Variants in SAMD5 observed in about 807,000 individuals in gnomAD.
SAMD5 encodes sterile alpha motif domain containing 5, also known as sterile alpha motif domain-containing protein 5.
In SAMD5, 13 loss-of-function variants were observed where a neutral mutation model predicts 11.3. That is an observed-to-expected ratio of 1.15 (90% confidence interval 0.75 to 1.83). SAMD5 has a LOEUF of 1.83. Among genes scored for constraint, SAMD5 ranks in the 40% most tolerant of loss-of-function variants. The pLI is 0.00. For synonymous variants in SAMD5, 129 were observed against 111.3 expected (o/e 1.16, Z -1.00); for missense variants, 255 against 239.1 (o/e 1.07, Z -0.44).
chr6:147,940,551 A>T, the SAMD5 span, among the ~76,000 whole-genome samples: 37 of 152,150 alleles, frequency 2.4e-4, no homozygotes, highest in African/African-American at 8.7e-4. Context: ...AAATTTTATG[A>T]CCTGAAAAGT....
intron 1 of SAMD5, among the ~76,000 whole-genome samples, chr6:147,526,614 G>C (rs139466576): frequency 5.9e-5 from 9 of 152,342 alleles, no homozygotes; most frequent in Non-Finnish European, 1.3e-4. Context: ...CCACAGTGTG[G>C]ACTGTATACT....
intron 1 of SAMD5, among the ~76,000 whole-genome samples, chr6:147,621,184 T>C (rs2128450240): frequency 6.6e-6 from 1 of 152,308 alleles, no homozygotes; most frequent in South Asian, 2.1e-4. Context: ...TACATACTTC[T>C]CAAGTTAAAG....
At chr6:147,749,420 G>T in the SAMD5 span, among the ~76,000 whole-genome samples, 108 of 152,178 alleles carry the variant, frequency 7.1e-4, no homozygotes, top group Non-Finnish European at 1.4e-3. Context: ...CACCCACCTT[G>T]GCCTCCCAGA....
At chr6:147,510,692 T>C (rs1283543436) in intron 1 of SAMD5, among the ~76,000 whole-genome samples, 1 of 152,208 alleles carries the variant, frequency 6.6e-6, no homozygotes, top group African/African-American at 2.4e-5. Context: ...GGGTTTAATA[T>C]TATCTACTAC....
the SAMD5 span, among the ~76,000 whole-genome samples, chr6:147,816,301 A>AATATATATATATAT: frequency 7.8e-4 from 52 of 66,320 alleles, 1 homozygote; most frequent in East Asian, 1.8e-3. Flanking sequence ...AAAAAAAAAA[A>AATATATATATATAT]ATATATATAT....
At chr6:147,559,956 A>C (rs1362437492) in intron 1 of SAMD5, among the ~76,000 whole-genome samples, 2 of 152,218 alleles carry the variant, frequency 1.3e-5, no homozygotes, top group Non-Finnish European at 2.9e-5. Context: ...ATGATTGTTA[A>C]GACACATATG....
the SAMD5 span, among the ~76,000 whole-genome samples, chr6:147,793,276 G>T: frequency 6.6e-6 from 1 of 152,060 alleles, no homozygotes; most frequent in Non-Finnish European, 1.5e-5. Context: ...AAAAACATCA[G>T]ATAAATCCCA....
chr6:147,709,185 ATTCT>A (rs1463400260), intron 1 of SAMD5, among the ~76,000 whole-genome samples: 3 of 152,210 alleles, frequency 2.0e-5, no homozygotes, highest in African/African-American at 4.8e-5. Flanking sequence ...TTGAAGAATA[ATTCT>A]TTCTAATTTG....
rs117602421 is a variant in SAMD5 at position 147,578,132 on chromosome 6, G to A, written c.162+68745G>A. Among the ~76,000 whole-genome samples, 299 of 152,228 alleles carry A rather than the reference G, an allele frequency of 2.0e-3. 3 individuals carry two copies. The South Asian group carries it at 0.021, about 11-fold the overall frequency. ...AGAGAATCAAGAAGGATAAGAAAGA[G>A]CCATGCATTTAGTTTACTGTCCATC... On this transcript the variant is annotated intron_variant, in intron 1 of 1. Transcript: ENST00000566741.
chr6:147,912,411 C>G, the SAMD5 span, among the ~76,000 whole-genome samples: 1 of 152,188 alleles, frequency 6.6e-6, no homozygotes, highest in South Asian at 2.1e-4. Flanking sequence ...CTCCAACACA[C>G]AGTTCCTGAT....
At chr6:147,676,629 T>C (rs1790866716) in intron 1 of SAMD5, among the ~76,000 whole-genome samples, 1 of 152,190 alleles carries the variant, frequency 6.6e-6, no homozygotes, top group African/African-American at 2.4e-5. Context: ...CCCTAGAACA[T>C]GCCTGGCACA....
In SAMD5 at chr6:147,568,308, G is replaced by A; in HGVS notation, c.*3852G>A. The stretch of plus-strand genomic sequence containing the variant: ...ATGTCTGAATTTTTCCCTTATAAGA[G>A]CCTGAGTATTGTAACAGGTCTCTTG... On this transcript the variant is annotated 3_prime_UTR_variant, in exon 2 of 2. Coordinates refer to ENST00000367474, the MANE Select transcript of SAMD5 (RefSeq NM_001030060.3). 1 of 985,214 alleles carries A rather than the reference G, an allele frequency of 1.0e-6. No homozygotes were observed. Among genetic ancestry groups the A allele is most frequent in the Non-Finnish European group, 1.2e-6 (1 of 829,820 alleles). 61.0% of individuals were successfully genotyped at this position (985,214 alleles called of 1,614,324 possible).
intron 1 of SAMD5, among the ~76,000 whole-genome samples, chr6:147,579,662 G>A (rs1049297595): frequency 6.6e-6 from 1 of 151,894 alleles, no homozygotes; most frequent in Admixed American, 6.6e-5. Context: ...CCACCATGTT[G>A]GCCAGGCTGG....
chr6:147,595,663 AC>A (rs1474537484), intron 1 of SAMD5, among the ~76,000 whole-genome samples: 1 of 151,082 alleles, frequency 6.6e-6, no homozygotes, highest in African/African-American at 2.4e-5. Flanking sequence ...AGTAGCTGGG[AC>A]TACAGGTGCC....
chr6:147,513,826 A>G, intron 1 of SAMD5, among the ~76,000 whole-genome samples: 1 of 152,144 alleles, frequency 6.6e-6, no homozygotes, highest in East Asian at 1.9e-4. Flanking sequence ...CAGGTCAGGA[A>G]GTCAGATAAT....
chr6:147,669,567 A>G (rs1213360790), intron 1 of SAMD5, among the ~76,000 whole-genome samples: 1 of 151,716 alleles, frequency 6.6e-6, no homozygotes, highest in Admixed American at 6.6e-5. Context: ...AGCTGGGACT[A>G]CAGGTGTGCA....
At chr6:147,600,881 G>A (rs983290436) in intron 1 of SAMD5, among the ~76,000 whole-genome samples, 2 of 152,216 alleles carry the variant, frequency 1.3e-5, no homozygotes, top group Non-Finnish European at 2.9e-5. Context: ...ATCGAATGCT[G>A]CTGTAGCAGT....
At chr6:147,824,431 T>C in the SAMD5 span, among the ~76,000 whole-genome samples, 4 of 152,080 alleles carry the variant, frequency 2.6e-5, no homozygotes, top group Non-Finnish European at 5.9e-5. Flanking sequence ...AGAGGGAAAA[T>C]AACACAAAAC....
chr6:147,725,114 A>G (rs981571292), intron 1 of SAMD5, among the ~76,000 whole-genome samples: 3 of 152,222 alleles, frequency 2.0e-5, no homozygotes, highest in Admixed American at 6.5e-5. Context: ...GACAAATTTC[A>G]TATAACTAGG....
Sources: gnomAD v4.1 joint callset for allele counts (sites outside exome capture counted in the v4.1 genomes callset) on GRCh38, gnomAD v4.1.1 for gene constraint, MANE v1.5 for transcripts, NCBI Gene and HGNC (gene_info 2026-07-23, HGNC 2026-07-21) for gene names.